The following GPR78 variants were observed in gnomAD, a reference collection of about 807,000 sequenced individuals.
GPR78 encodes the protein G protein-coupled receptor 78.
A neutral mutation model predicts 17.9 loss-of-function variants in GPR78; 29 were observed. That is an observed-to-expected ratio of 1.62 (90% confidence interval 1.20 to 2.21). The LOEUF is 2.21. Among genes scored for constraint, GPR78 ranks in the 30% most tolerant of loss-of-function variants. The probability of loss-of-function intolerance (pLI) is 0.00; values close to 1 mark genes in which losing one functional copy is unlikely to be tolerated. For synonymous variants in GPR78, 349 were observed against 256.9 expected, an observed-to-expected ratio of 1.36 and a Z score of -3.43; for missense variants, 649 against 530.5, an observed-to-expected ratio of 1.22 and a Z score of -2.19.
chr4:8,582,493 C>A, intron 1 of GPR78, 38 bp from the exon 2 acceptor site: 2 of 1,416,730 alleles, frequency 1.4e-6, no homozygotes, highest in Non-Finnish European at 2.0e-6. Context: ...CTGTCCCCAC[C>A]CTGCCATCAT....
intron 2 of GPR78, among the ~76,000 whole-genome samples, chr4:8,586,690 C>G (rs1431882137): frequency 6.6e-6 from 1 of 152,204 alleles, no homozygotes; most frequent in Non-Finnish European, 1.5e-5. Context: ...TAATGGCTCC[C>G]TCGGTAGCTG....
In GPR78 at chr4:8,589,998, G is replaced by T. The variant is rs1713689058; in HGVS notation, c.*2635G>T. 6.7e-6 allele frequency among the ~76,000 whole-genome samples: 1 copy of T among 149,892 alleles called. No homozygotes were observed. Among genetic ancestry groups the T allele is most frequent in the Non-Finnish European group, 1.5e-5 (1 of 67,818 alleles). ...AATGATGCTGGGTCTCAAGAATGCTGTGAATCAATAAACATTTTATTCAGA... is the reference window on the plus strand; with the variant it reads ...AATGATGCTGGGTCTCAAGAATGCTTTGAATCAATAAACATTTTATTCAGA... On this transcript the variant is annotated 3_prime_UTR_variant, in exon 3 of 3. Coordinates refer to ENST00000382487, the MANE Select transcript of GPR78 (RefSeq NM_080819.5).
At position 8,581,345 on chromosome 4, in the gene GPR78, C is replaced by A; in HGVS notation, c.363C>A (p.Arg121=). 2 of 1,577,062 alleles carry A rather than the reference C, an allele frequency of 1.3e-6. No individual in the cohort carries two copies. Among genetic ancestry groups the A allele is most frequent in the Non-Finnish European group, 1.7e-6 (2 of 1,167,634 alleles). The change falls in exon 1 of 3, where the codon CGC becomes CGA. Residue 121 remains arginine, a synonymous_variant. Transcript: ENST00000382487. ...PLRYAGRLRP[R]YAGLLLGCAW... Reference sequence around the variant, plus strand: ...GCTACGCCGGACGCCTGCGACCGCGCTATGCCGGCCTGCTGCTGGGCTGTG... The same window carrying A: ...GCTACGCCGGACGCCTGCGACCGCGATATGCCGGCCTGCTGCTGGGCTGTG...
Position 8,589,598 on chromosome 4 carries a change from C to G in GPR78, c.*2235C>G, listed in dbSNP as rs1713667074. Among the ~76,000 whole-genome samples, 1 of 152,212 alleles carries G rather than the reference C, an allele frequency of 6.6e-6. No individual in the cohort carries two copies. On this transcript the variant is annotated 3_prime_UTR_variant, in exon 3 of 3. Coordinates refer to ENST00000382487, the MANE Select transcript of GPR78 (RefSeq NM_080819.5). ...AGCCCTCTCCTGTCCCTGGGAGCTC[C>G]CCAGGTGCGAGGAGCCTGCCAGCCA...
chr4:8,585,296 T>G (rs7665624), intron 2 of GPR78, among the ~76,000 whole-genome samples: 98,412 of 152,024 alleles, frequency 0.65, 32,201 homozygotes, highest in East Asian at 0.87. Context: ...TCTGGTCCCA[T>G]TGTGGCTCCA....
At position 8,580,904 on chromosome 4, in the gene GPR78, T is replaced by C; in HGVS notation, c.-79T>C. ...AGCCGTGGGCGCGCCGCTCAGCTGC[T>C]CCATCGCCTCACTTTCCCAGGCTCG... On this transcript the variant is annotated 5_prime_UTR_variant, in exon 1 of 3. Transcript: ENST00000382487. The C allele has an allele frequency of 2.3e-6, 3 of 1,310,308 alleles. No individual in the cohort carries two copies. Among genetic ancestry groups the C allele is most frequent in the Non-Finnish European group, 3.1e-6 (3 of 980,000 alleles). The allele number at this position is 1,310,308 out of a possible 1,614,324, so 81.2% of individuals were successfully genotyped here. A position where few individuals can be genotyped will look rare whatever the true frequency, so the allele number is the denominator to read the frequency against.
chr4:8,580,968 C>A lies in GPR78; in HGVS notation c.-15C>A. The A allele has an allele frequency of 1.3e-6, 2 of 1,536,206 alleles. No individual in the cohort carries two copies. The highest frequency in any genetic ancestry group is 1.2e-5 in the South Asian group (1 of 81,932). On this transcript the variant is annotated 5_prime_UTR_variant, in exon 1 of 3. Transcript: ENST00000382487. ...GCCATGAGAACCCCAGGGTGCCTGG[C>A]GAGCCGCTAGCGCCATGGGCCCCGG... is the stretch of plus-strand genomic sequence containing the variant.
chr4:8,584,807 G>T (rs1234944419), intron 2 of GPR78, among the ~76,000 whole-genome samples: 1 of 152,238 alleles, frequency 6.6e-6, no homozygotes, highest in Non-Finnish European at 1.5e-5. Context: ...AGATCCAGGA[G>T]TGTGTTGTCC....
chr4:8,583,819 G>C (rs1204731899), intron 2 of GPR78, among the ~76,000 whole-genome samples: 1 of 152,176 alleles, frequency 6.6e-6, no homozygotes, highest in Non-Finnish European at 1.5e-5. Flanking sequence ...TCAGCACGTG[G>C]GACAGGAGCT....
intron 2 of GPR78, among the ~76,000 whole-genome samples, chr4:8,583,343 G>C (rs979789934): frequency 6.6e-6 from 1 of 150,386 alleles, no homozygotes; most frequent in African/African-American, 2.4e-5. Context: ...GTTTATTAGA[G>C]ATGGTGACTG....
At position 8,587,555 on chromosome 4, in the gene GPR78, G is replaced by C. The variant is rs9799807; in HGVS notation, c.*192G>C. 0.15 allele frequency: 96,925 copies of C among 641,558 alleles called. 9,789 individuals are homozygous for C. The highest frequency in any genetic ancestry group is 0.41 in the African/African-American group (22,061 of 54,468). 39.7% of individuals were successfully genotyped at this position (641,558 alleles called of 1,614,324 possible). On this transcript the variant is annotated 3_prime_UTR_variant, in exon 3 of 3. Transcript: ENST00000382487. ...CAGCAGTAGTGGCGGAGGAGAGCTC[G>C]GGGCTGGGCTGCCTGGCTGCTGGGT...
At chr4:8,585,023 G>A (rs1341627174) in intron 2 of GPR78, among the ~76,000 whole-genome samples, 1 of 152,236 alleles carries the variant, frequency 6.6e-6, no homozygotes, top group East Asian at 1.9e-4. Context: ...AGGTAAAGGA[G>A]ATGGGGGACA....
chr4:8,582,747 C>T, intron 2 of GPR78, 103 bp downstream of exon 2: 3 of 780,992 alleles, frequency 3.8e-6, no homozygotes, highest in Non-Finnish European at 6.8e-6. Context: ...TGGAGGGCGG[C>T]CACCACCAGA....
At position 8,581,055 on chromosome 4, in the gene GPR78, C is replaced by A; in HGVS notation, c.73C>A (p.Leu25Met). The A allele has an allele frequency of 6.2e-7, 1 of 1,606,150 alleles. No individual in the cohort carries two copies. The highest frequency in any genetic ancestry group is 8.5e-7 in the Non-Finnish European group (1 of 1,178,654). The change falls in exon 1 of 3, where the codon CTG becomes ATG. Residue 25 changes from leucine (L) to methionine (M), a missense_variant. Physicochemically the swap from Leu to Met is conservative, Grantham distance 15. Coordinates refer to ENST00000382487, the MANE Select transcript of GPR78 (RefSeq NM_080819.5). ...VLAVALLSNALVLLCCAYSAE... is the reference protein window; with the variant it reads ...VLAVALLSNAMVLLCCAYSAE... ...GGCCGTGGCGCTGCTATCCAACGCACTGGTGCTGCTTTGTTGCGCCTACAG... is the reference window on the plus strand; with the variant it reads ...GGCCGTGGCGCTGCTATCCAACGCAATGGTGCTGCTTTGTTGCGCCTACAG...
Position 8,589,209 on chromosome 4 carries a change from C to T in GPR78, c.*1846C>T, listed in dbSNP as rs1469256395. ...ATTTGCTGACTCACCAATGCCTCCC[C>T]CAAAAGGATAAATTTAAAGGTGTGT... On this transcript the variant is annotated 3_prime_UTR_variant, in exon 3 of 3. Transcript: ENST00000382487. Among the ~76,000 whole-genome samples, 1 of 151,976 alleles carries T rather than the reference C, an allele frequency of 6.6e-6. No individual in the cohort carries two copies. Among genetic ancestry groups the T allele is most frequent in the African/African-American group, 2.4e-5 (1 of 41,352 alleles).
chr4:8,587,001 G>C (rs1713534748), intron 2 of GPR78, 53 bp from the exon 3 acceptor site: 1 of 1,472,588 alleles, frequency 6.8e-7, no homozygotes, highest in Non-Finnish European at 9.4e-7. Context: ...GAGCGTGAGT[G>C]CGTGGCAGGT....
In GPR78 at chr4:8,582,731, G is replaced by C. The variant is rs556983708; in HGVS notation, c.782+87G>C. On this transcript the variant is annotated intron_variant, in intron 2 of 2. Coordinates refer to ENST00000382487, the MANE Select transcript of GPR78 (RefSeq NM_080819.5). ...GTAGGCCTCTGAGGTTTCCCAGCAA[G>C]ATATCTGGAGGGCGGCCACCACCAG... is the stretch of plus-strand genomic sequence containing the variant. The C allele has an allele frequency of 4.2e-4, 369 of 869,394 alleles. No homozygotes were observed. The African/African-American group carries it at 5.4e-3, about 13-fold the overall frequency. The allele number at this position is 869,394 out of a possible 1,614,324, so 53.9% of individuals were successfully genotyped here. A position where few individuals can be genotyped will look rare whatever the true frequency, so the allele number is the denominator to read the frequency against.
Position 8,581,595 on chromosome 4 carries a change from C to G in GPR78, c.613C>G (p.Arg205Gly), listed in dbSNP as rs369642579. The G allele has an allele frequency of 6.4e-7, 1 of 1,550,848 alleles. No homozygotes were observed. The highest frequency in any genetic ancestry group is 1.8e-5 in the Admixed American group (1 of 54,352). ...CCGGGTGGCACGCAGACACTGCCAG[C>G]GCATGGACACCGTCACCATGAAGGC... ...VHRVARRHCQ[R>G]MDTVTMKALA... is the part of the protein sequence containing the mutation. The change falls in exon 1 of 3, where the codon CGC (arginine) becomes GGC (glycine). Residue 205 changes from arginine (R) to glycine (G), a missense_variant. By Grantham distance (125) the Arg-to-Gly change is moderately radical. Transcript: ENST00000382487.
chr4:8,580,873 C>G lies in GPR78; in HGVS notation c.-110C>G. ...GACCTTGCTAGCCGGCTCTGCACCT[C>G]CCAGAAGCCGTGGGCGCGCCGCTCA... On this transcript the variant is annotated 5_prime_UTR_variant, in exon 1 of 3. Coordinates refer to ENST00000382487, the MANE Select transcript of GPR78 (RefSeq NM_080819.5). The G allele has an allele frequency of 2.7e-6, 3 of 1,098,918 alleles. No homozygotes were observed. In the South Asian group the frequency reaches 5.0e-5, roughly 18 times the overall value. 68.1% of individuals were successfully genotyped at this position (1,098,918 alleles called of 1,614,324 possible).
Sources: allele counts gnomAD v4.1 joint callset (sites outside exome capture counted in the v4.1 genomes callset), GRCh38; gene constraint gnomAD v4.1.1; transcripts MANE v1.5; gene names NCBI Gene and HGNC (gene_info 2026-07-23, HGNC 2026-07-21).